The following IL1R1 variants were observed in gnomAD, a reference collection of about 807,000 sequenced individuals.
IL1R1 encodes the protein interleukin 1 receptor type 1, also known as interleukin-1 receptor type 1.
In IL1R1, 22 loss-of-function variants were observed where a neutral mutation model predicts 50.2. The ratio of observed to expected loss-of-function variants is 0.44; its 90% CI spans 0.31 to 0.63. The LOEUF (loss-of-function observed/expected upper bound fraction) is 0.63, where lower values mean the gene tolerates loss of function less well. Among genes scored for constraint, IL1R1 ranks in the 20% least tolerant of loss-of-function variants. IL1R1 has a pLI of 0.07. For synonymous variants in IL1R1, 251 were observed against 236.7 expected (o/e 1.06, Z -0.55); for missense variants, 509 against 676.2 (o/e 0.75, Z 2.74).
At chr2:102,118,966 C>T (rs187268769) in intron 1 of IL1R1, among the ~76,000 whole-genome samples, 2 of 135,674 alleles carry the variant, frequency 1.5e-5, no homozygotes, top group East Asian at 2.2e-4. Context: ...TGCGGTGAGC[C>T]GAGATCGCTC....
rs966979652 is a variant in IL1R1, at chr2:102,090,138, C to CT, written c.-84+19614dup. Among the ~76,000 whole-genome samples the CT allele has an allele frequency of 9.4e-4, 140 of 148,272 alleles. 1 individual carries two copies. Among genetic ancestry groups the CT allele is most frequent in the African/African-American group, 3.1e-3 (124 of 40,464 alleles). On this transcript the variant is annotated intron_variant, in intron 1 of 11. Transcript: ENST00000409929. ...CATGAGCCACTGCGCCCAGCCTATC[C>CT]TTTTTTTTTCAATTTTTTTTTTTTT...
chr2:102,142,708 C>T (rs1169542395), upstream of IL1R1: 5 of 151,524 alleles, frequency 3.3e-5, no homozygotes, highest in Middle Eastern at 3.4e-3. Context: ...GTTCCCCGCC[C>T]CCGCAGCGGC....
chr2:102,080,228 T>A (rs1454887080), intron 1 of IL1R1, among the ~76,000 whole-genome samples: 1 of 152,194 alleles, frequency 6.6e-6, no homozygotes. Flanking sequence ...ACAAAATAGA[T>A]AATTGCACTT....
chr2:102,152,287 C>T (rs899789760), intron 1 of IL1R1, among the ~76,000 whole-genome samples: 3 of 151,450 alleles, frequency 2.0e-5, no homozygotes, highest in Non-Finnish European at 4.4e-5. Context: ...GGGTGGATCA[C>T]GAGGTCAGGA....
intron 7 of IL1R1, among the ~76,000 whole-genome samples, chr2:102,171,327 C>T (rs921538063): frequency 3.3e-5 from 5 of 152,098 alleles, no homozygotes; most frequent in African/African-American, 1.2e-4. Flanking sequence ...AGGGGGTTAG[C>T]TTTTAAAATA....
Position 102,166,094 on chromosome 2 carries a change from T to A in IL1R1, c.487-19T>A. On this transcript the variant is annotated intron_variant, in intron 5 of 11. Transcript: ENST00000410023. ...TTATTGGTTATTGGTTTTCAATGCTTCTCTCTCCCTTTATCTAGGATTGCA... is the reference window on the plus strand; with the variant it reads ...TTATTGGTTATTGGTTTTCAATGCTACTCTCTCCCTTTATCTAGGATTGCA... The A allele has an allele frequency of 6.2e-7, 1 of 1,602,408 alleles. No individual in the cohort carries two copies. The highest frequency in any genetic ancestry group is 2.2e-5 in the East Asian group (1 of 44,648).
Position 102,175,576 on chromosome 2 carries a change from C to T in IL1R1, c.1234C>T (p.Pro412Ser). Residue 412 changes from proline to serine, a missense_variant, in exon 11 of 12, where the codon CCT becomes TCT. Transcript: ENST00000410023. ...TGATATTTTTGTGTTTAAAGTCTTG[C>T]CTGAGGTCTTGGAAAAACAGTGTGG... Reference protein sequence around the residue: ...DCDIFVFKVLPEVLEKQCGYK... With the variant: ...DCDIFVFKVLSEVLEKQCGYK... 2 of 1,613,830 alleles carry T rather than the reference C, an allele frequency of 1.2e-6. No individual in the cohort carries two copies. Among genetic ancestry groups the T allele is most frequent in the East Asian group, 2.2e-5 (1 of 44,830 alleles).
upstream of IL1R1, among the ~76,000 whole-genome samples, chr2:102,137,776 G>T (rs1054436147): frequency 6.6e-6 from 1 of 152,156 alleles, no homozygotes; most frequent in South Asian, 2.1e-4. Flanking sequence ...GAGAAGCAAA[G>T]AATTTGCAGT....
intron 1 of IL1R1, among the ~76,000 whole-genome samples, chr2:102,131,563 AAAAATGACTGG>A (rs981327283): frequency 2.4e-4 from 36 of 152,338 alleles, no homozygotes; most frequent in African/African-American, 8.4e-4. Flanking sequence ...CTGAGGTAAA[AAAAATGACTGG>A]ATGAGATTAA....
At chr2:102,072,110 A>T (rs2104263038) in intron 1 of IL1R1, among the ~76,000 whole-genome samples, 1 of 151,760 alleles carries the variant, frequency 6.6e-6, no homozygotes, top group South Asian at 2.1e-4. Flanking sequence ...ATACAAAAAA[A>T]TTAGCTGGGC....
chr2:102,146,197 A>G (rs1223407394), intron 1 of IL1R1, among the ~76,000 whole-genome samples: 1 of 152,162 alleles, frequency 6.6e-6, no homozygotes, highest in African/African-American at 2.4e-5. Flanking sequence ...TAGATCCCTG[A>G]AAATACAGCC....
chr2:102,168,719 AG>A, intron 7 of IL1R1, 56 bp downstream of exon 7: 1 of 1,220,524 alleles, frequency 8.2e-7, no homozygotes, highest in Non-Finnish European at 1.2e-6. Flanking sequence ...TTAAAACATA[AG>A]AGTAAGATAA....
intron 11 of IL1R1, chr2:102,176,129 G>A (rs928179326): frequency 4.0e-6 from 2 of 505,414 alleles, no homozygotes; most frequent in African/African-American, 1.9e-5. Flanking sequence ...TGAGGCTGCA[G>A]TGATCCAAGA....
intron 1 of IL1R1, among the ~76,000 whole-genome samples, chr2:102,125,613 C>T (rs1681669316): frequency 6.6e-6 from 1 of 152,214 alleles, no homozygotes; most frequent in Non-Finnish European, 1.5e-5. Flanking sequence ...TTGTTAGGCC[C>T]TTCCAGCCCC....
chr2:102,086,074 A>C (rs1354369031), intron 1 of IL1R1, among the ~76,000 whole-genome samples: 1 of 152,196 alleles, frequency 6.6e-6, no homozygotes, highest in Non-Finnish European at 1.5e-5. Context: ...TGATTTTAAT[A>C]TTGACCTTTT....
At chr2:102,133,901 C>CA (rs10566008) in intron 1 of IL1R1, among the ~76,000 whole-genome samples, 4,716 of 141,550 alleles carry the variant, frequency 0.033, 117 homozygotes, top group African/African-American at 0.07. Flanking sequence ...CTAGCTGGTG[C>CA]AAAAAAAAAA....
chr2:102,131,349 A>G (rs1577917225), intron 1 of IL1R1, among the ~76,000 whole-genome samples: 1 of 152,356 alleles, frequency 6.6e-6, no homozygotes, highest in African/African-American at 2.4e-5. Context: ...CAACCAAAAA[A>G]TTACCAGGTA....
rs182761019 is a variant in IL1R1, at chr2:102,163,518, T to G, written c.62-1256T>G. 1.2e-3 allele frequency among the ~76,000 whole-genome samples: 190 copies of G among 152,320 alleles called. 1 individual carries two copies. The highest frequency in any genetic ancestry group is 2.1e-3 in the Non-Finnish European group (146 of 68,024). ...TCTGCCGTGAATCCCATCCATTGTT[T>G]TTTGTAACTCAACATTATTGTTTTC... On this transcript the variant is annotated intron_variant, in intron 3 of 11. Transcript: ENST00000410023.
At chr2:102,076,471 C>T (rs1210683937) in intron 1 of IL1R1, among the ~76,000 whole-genome samples, 1 of 152,142 alleles carries the variant, frequency 6.6e-6, no homozygotes, top group Non-Finnish European at 1.5e-5. Flanking sequence ...TGGAGGGCTT[C>T]CTTCAACATT....
Sources: gnomAD v4.1 joint callset for allele counts (sites outside exome capture counted in the v4.1 genomes callset) on GRCh38, gnomAD v4.1.1 for gene constraint, MANE v1.5 for transcripts, NCBI Gene and HGNC (gene_info 2026-07-23, HGNC 2026-07-21) for gene names.